Variants in DLG2 observed in about 807,000 individuals in gnomAD.
DLG2 encodes the protein discs large MAGUK scaffold protein 2.
In DLG2, 45 loss-of-function variants were observed where a neutral mutation model predicts 132.5. The observed-to-expected ratio is 0.34, with a 90% CI of 0.27 to 0.44. The LOEUF is 0.44. DLG2 is among the 20% of genes least tolerant of loss of function. The pLI, the probability that DLG2 is intolerant of heterozygous loss-of-function variation, is 1.00. For missense variants in DLG2, 1,045 were observed against 1,196.9 expected (o/e 0.87, Z 1.87); for synonymous variants, 424 against 419.6 (o/e 1.01, Z -0.13).
intron 19 of DLG2, among the ~76,000 whole-genome samples, chr11:83,542,647 C>A (rs886303340): frequency 2.6e-5 from 4 of 152,162 alleles, no homozygotes; most frequent in African/African-American, 9.6e-5. Flanking sequence ...AAGGCCAATG[C>A]ACTGTAATAT....
intron 3 of DLG2, among the ~76,000 whole-genome samples, chr11:85,514,696 T>C (rs911404782): frequency 6.6e-6 from 1 of 151,956 alleles, no homozygotes; most frequent in Non-Finnish European, 1.5e-5. Context: ...AGTTGTTAAA[T>C]AGATGTTTAA....
chr11:85,092,868 C>T (rs1193841577), intron 6 of DLG2, among the ~76,000 whole-genome samples: 2 of 152,110 alleles, frequency 1.3e-5, no homozygotes, highest in African/African-American at 2.4e-5. Context: ...GTCTTGATCT[C>T]CTGACCTCAT....
At chr11:83,814,407 C>A (rs915116592) in intron 17 of DLG2, among the ~76,000 whole-genome samples, 2 of 152,166 alleles carry the variant, frequency 1.3e-5, no homozygotes, top group Admixed American at 1.3e-4. Context: ...AATCCCAAAA[C>A]TGCTATTTCT....
intron 18 of DLG2, among the ~76,000 whole-genome samples, chr11:83,697,808 A>AT (rs1185983237): frequency 6.6e-6 from 1 of 152,186 alleles, no homozygotes; most frequent in Admixed American, 6.5e-5. Flanking sequence ...ACATTGTGAT[A>AT]TTTTTTCAAG....
At chr11:84,894,879 C>T (rs2089974378) in intron 6 of DLG2, among the ~76,000 whole-genome samples, 1 of 143,346 alleles carries the variant, frequency 7.0e-6, no homozygotes, top group Non-Finnish European at 1.6e-5. Context: ...AGCACACCTG[C>T]TGAGACCCCT....
chr11:84,291,625 A>T (rs529568962), intron 7 of DLG2, among the ~76,000 whole-genome samples: 37 of 152,328 alleles, frequency 2.4e-4, no homozygotes, highest in African/African-American at 8.9e-4. Context: ...CAGAAAAACA[A>T]AAGTAATTCC....
At chr11:85,150,011 T>A (rs34014672) in intron 5 of DLG2, among the ~76,000 whole-genome samples, 1 of 92,606 alleles carries the variant, frequency 1.1e-5, no homozygotes, top group Non-Finnish European at 2.1e-5. Flanking sequence ...CAGTTTTTAA[T>A]TTTTTTTTTT....
rs544861340 is a variant in DLG2 at position 84,024,632 on chromosome 11, T to A, written c.919+34683A>T. Among the ~76,000 whole-genome samples the A allele has an allele frequency of 3.3e-5, 5 of 152,282 alleles. No individual in the cohort carries two copies. The South Asian group carries it at 1.0e-3, about 32-fold the overall frequency. ...ACATAGATGGAATTGGAGAACATTA[T>A]GTTAAGCAAAATAAGTCCAGCAAAT... is the stretch of plus-strand genomic sequence containing the variant. On this transcript the variant is annotated intron_variant, in intron 11 of 27. Transcript: ENST00000376104.
intron 8 of DLG2, among the ~76,000 whole-genome samples, chr11:84,236,049 TA>T (rs55876762): frequency 0.012 from 1,768 of 143,350 alleles, 29 homozygotes; most frequent in African/African-American, 0.032. Context: ...TCCATTTTAT[TA>T]AAAAAAAAAA....
intron 9 of DLG2, among the ~76,000 whole-genome samples, chr11:84,115,307 G>A (rs1450440472): frequency 2.0e-5 from 3 of 151,440 alleles, no homozygotes; most frequent in Non-Finnish European, 3.0e-5. Context: ...CCTCTACCCA[G>A]GAAAAAGAAA....
chr11:85,377,639 G>A (rs1261680884), intron 3 of DLG2, among the ~76,000 whole-genome samples: 2 of 151,904 alleles, frequency 1.3e-5, no homozygotes, highest in African/African-American at 2.4e-5. Flanking sequence ...ATTCATTCAA[G>A]TTTGCTCATT....
intron 19 of DLG2, among the ~76,000 whole-genome samples, chr11:83,606,809 C>G (rs1459243156): frequency 6.6e-6 from 1 of 152,054 alleles, no homozygotes; most frequent in Non-Finnish European, 1.5e-5. Context: ...CGCCTGTGGT[C>G]CCAGCTGCTC....
At chr11:85,072,412 C>A (rs191308365) in intron 6 of DLG2, among the ~76,000 whole-genome samples, 420 of 151,908 alleles carry the variant, frequency 2.8e-3, no homozygotes, top group Non-Finnish European at 4.6e-3. Context: ...GATTAGAACC[C>A]AGGGATATAA....
At chr11:84,187,555 C>T (rs915033439) in intron 8 of DLG2, among the ~76,000 whole-genome samples, 3 of 151,926 alleles carry the variant, frequency 2.0e-5, no homozygotes, top group African/African-American at 7.2e-5. Flanking sequence ...ATCTTAAAAC[C>T]AAGAGAGAAA....
chr11:84,662,279 T>C (rs1026055916), intron 6 of DLG2, among the ~76,000 whole-genome samples: 3 of 150,032 alleles, frequency 2.0e-5, no homozygotes, highest in Non-Finnish European at 4.4e-5. Flanking sequence ...CAGGTTCAAA[T>C]GATTCTCCTG....
At chr11:84,205,535 T>C (rs548369818) in intron 8 of DLG2, among the ~76,000 whole-genome samples, 151 of 142,522 alleles carry the variant, frequency 1.1e-3, no homozygotes, top group Non-Finnish European at 1.8e-3. Flanking sequence ...CTAAATTCTC[T>C]GAGAATAACA....
chr11:84,199,479 C>T (rs1245043157), intron 8 of DLG2, among the ~76,000 whole-genome samples: 1 of 152,030 alleles, frequency 6.6e-6, no homozygotes, highest in Non-Finnish European at 1.5e-5. Flanking sequence ...ATCCATAGAT[C>T]ACCAAAATAG....
At chr11:84,336,465 G>A (rs1438959645) in intron 7 of DLG2, among the ~76,000 whole-genome samples, 1 of 152,120 alleles carries the variant, frequency 6.6e-6, no homozygotes, top group East Asian at 1.9e-4. Flanking sequence ...AATGACTATT[G>A]ACTCATAAAG....
In DLG2 at chr11:84,100,693, CTT is replaced by C. The variant is rs548897156; in HGVS notation, c.625-1648_625-1647del. On this transcript the variant is annotated intron_variant, in intron 9 of 27. Transcript: ENST00000376104. ...TATGATCATTTGATTAATTTCCACT[CTT>C]GGGTAAAAAGAGATGAGGACTATGA... 1.6e-3 allele frequency among the ~76,000 whole-genome samples: 250 copies of C among 152,050 alleles called. 2 individuals carry two copies. The highest frequency in any genetic ancestry group is 3.9e-4 in the East Asian group (2 of 5,176).
Sources: allele counts gnomAD v4.1 joint callset (sites outside exome capture counted in the v4.1 genomes callset), GRCh38; gene constraint gnomAD v4.1.1; transcripts MANE v1.5; gene names NCBI Gene and HGNC (gene_info 2026-07-23, HGNC 2026-07-21).